KCNK9: variants seen among roughly 807,000 people sequenced by gnomAD.
KCNK9 encodes the protein potassium two pore domain channel subfamily K member 9, also known as potassium channel subfamily K member 9.
A neutral mutation model predicts 10.8 loss-of-function variants in KCNK9; 1 was observed. The ratio of observed to expected loss-of-function variants is 0.09; its 90% confidence interval spans 0.03 to 0.44. The LOEUF is 0.44. Among genes scored for constraint, KCNK9 ranks in the 20% least tolerant of loss-of-function variants. The probability of loss-of-function intolerance (pLI) is 0.97; values close to 1 mark genes in which losing one functional copy is unlikely to be tolerated. For missense variants in KCNK9, 303 were observed against 515.0 expected, an observed-to-expected ratio of 0.59 and a Z score of 3.98; for synonymous variants, 231 against 222.7, an observed-to-expected ratio of 1.04 and a Z score of -0.33.
chr8:139,628,622 TCTTGGC>T (rs1815055919), intron 1 of KCNK9, among the ~76,000 whole-genome samples: 1 of 152,208 alleles, frequency 6.6e-6, no homozygotes, highest in East Asian at 1.9e-4. Flanking sequence ...TGGCACCAAA[TCTTGGC>T]AGATTTGGTG....
chr8:139,659,157 C>G (rs1162398413), intron 1 of KCNK9, among the ~76,000 whole-genome samples: 1 of 152,254 alleles, frequency 6.6e-6, no homozygotes. Flanking sequence ...GCTCTGGGAC[C>G]TAAACACCTG....
intron 1 of KCNK9, among the ~76,000 whole-genome samples, chr8:139,625,025 A>ATT (rs1371536335): frequency 6.6e-6 from 1 of 152,104 alleles, no homozygotes; most frequent in African/African-American, 2.4e-5. Context: ...TGTGCATCAG[A>ATT]GCACAATGAG....
chr8:139,699,733 T>C (rs1817154446), intron 1 of KCNK9, among the ~76,000 whole-genome samples: 1 of 152,176 alleles, frequency 6.6e-6, no homozygotes, highest in South Asian at 2.1e-4. Flanking sequence ...GTAATATCCC[T>C]CCAAAGCCTT....
rs35075776 is a variant in KCNK9 at position 139,602,459 on chromosome 8, T to G, written c.*1-858A>C. 3.1e-3 allele frequency among the ~76,000 whole-genome samples: 465 copies of G among 152,350 alleles called. 2 individuals are homozygous for G. The highest frequency in any genetic ancestry group is 0.019 in the South Asian group (90 of 4,824). Reference sequence around the variant, plus strand: ...GGACTTAGAACGCAGCAATGCCTGTTACATTTTTTTGGAGGGTGGTGGGAG... The same window carrying G: ...GGACTTAGAACGCAGCAATGCCTGTGACATTTTTTTGGAGGGTGGTGGGAG... On this transcript the variant is annotated intron_variant, in intron 2 of 2. Transcript: ENST00000650269.
In KCNK9 at chr8:139,693,709, A is replaced by C. The variant is rs1207704426; in HGVS notation, c.283+9001T>G. On this transcript the variant is annotated intron_variant, in intron 1 of 1. Transcript: ENST00000520439. The surrounding 1 kb of genome is among the most constrained non-coding windows in gnomAD (Gnocchi z 4.1). ...AAAAGAGGAAGGCAGAGCCGGACTC[A>C]GGGCAGAAGGTGTGGGAACAGGGCC... 6.6e-6 allele frequency among the ~76,000 whole-genome samples: 1 copy of C among 152,190 alleles called. No individual in the cohort carries two copies. The highest frequency in any genetic ancestry group is 2.4e-5 in the African/African-American group (1 of 41,446).
downstream of KCNK9, among the ~76,000 whole-genome samples, chr8:139,608,740 A>C (rs888869492): frequency 6.6e-6 from 1 of 152,168 alleles, no homozygotes; most frequent in South Asian, 2.1e-4. Context: ...CAGAGACCCC[A>C]TTACTGCTGG....
chr8:139,655,382 G>A (rs947031211), intron 1 of KCNK9, among the ~76,000 whole-genome samples: 23 of 152,052 alleles, frequency 1.5e-4, no homozygotes, highest in African/African-American at 4.6e-4. Context: ...AGCCTTTCTC[G>A]CCACCCAGAC....
intron 1 of KCNK9, among the ~76,000 whole-genome samples, chr8:139,647,790 G>C (rs1365550783): frequency 6.6e-6 from 1 of 152,154 alleles, no homozygotes; most frequent in Non-Finnish European, 1.5e-5. Flanking sequence ...CACCTTAAAA[G>C]GTCTCAGGTC....
chr8:139,616,943 C>T (rs1190298559), downstream of KCNK9: 1 of 152,168 alleles, frequency 6.6e-6, no homozygotes. Flanking sequence ...GCAGGTCTTC[C>T]CTTTGGGGTC....
chr8:139,609,375 C>T (rs901602842), downstream of KCNK9, among the ~76,000 whole-genome samples: 2 of 152,140 alleles, frequency 1.3e-5, no homozygotes, highest in East Asian at 1.9e-4. Flanking sequence ...TGACCTGAGG[C>T]AAGGCCCTTT....
chr8:139,684,012 A>G (rs1287168352), intron 1 of KCNK9, among the ~76,000 whole-genome samples: 1 of 152,172 alleles, frequency 6.6e-6, no homozygotes, highest in Non-Finnish European at 1.5e-5. Flanking sequence ...GATGTGATAA[A>G]CCCAAGTACA....
intron 1 of KCNK9, among the ~76,000 whole-genome samples, chr8:139,629,256 T>C (rs1394143774): frequency 6.6e-6 from 1 of 152,192 alleles, no homozygotes; most frequent in East Asian, 1.9e-4. Context: ...GGGGCCGAGA[T>C]GCATGCGGGG....
intron 1 of KCNK9, among the ~76,000 whole-genome samples, chr8:139,654,183 T>G (rs1256318990): frequency 6.6e-6 from 1 of 152,244 alleles, no homozygotes; most frequent in Non-Finnish European, 1.5e-5. Flanking sequence ...TAGCTGAAGT[T>G]TGTCTGAATT....
chr8:139,623,143 G>C (rs191559780), intron 1 of KCNK9, among the ~76,000 whole-genome samples: 1 of 152,266 alleles, frequency 6.6e-6, no homozygotes, highest in Non-Finnish European at 1.5e-5. Context: ...AAAGAACATA[G>C]AAAATGCATG....
chr8:139,683,304 A>C (rs2319423), intron 1 of KCNK9, among the ~76,000 whole-genome samples: 1 of 152,068 alleles, frequency 6.6e-6, no homozygotes, highest in Non-Finnish European at 1.5e-5. Flanking sequence ...CACCCGCCCC[A>C]CCCCTGCTGG....
At chr8:139,604,953 G>C (rs150382101) in intron 2 of KCNK9, among the ~76,000 whole-genome samples, 1 of 152,306 alleles carries the variant, frequency 6.6e-6, no homozygotes, top group African/African-American at 2.4e-5. Flanking sequence ...AGCATCACCT[G>C]AGTGCCCTTT....
chr8:139,620,220 T>C (rs1341863210), intron 1 of KCNK9, among the ~76,000 whole-genome samples: 1 of 147,272 alleles, frequency 6.8e-6, no homozygotes, highest in African/African-American at 2.6e-5. Flanking sequence ...AAAACCTGGA[T>C]CATGGACAGT....
At chr8:139,619,981 G>A (rs1331965185) in intron 1 of KCNK9, among the ~76,000 whole-genome samples, 2 of 152,240 alleles carry the variant, frequency 1.3e-5, no homozygotes, top group Non-Finnish European at 2.9e-5. Context: ...AAGCACTTTT[G>A]AAATTCTTGA....
rs1814651418 is a variant in KCNK9 at position 139,617,968 on chromosome 8, G to C, written c.*290C>G. 1 of 424,668 alleles carries C rather than the reference G, an allele frequency of 2.4e-6. No homozygotes were observed. The highest frequency in any genetic ancestry group is 3.6e-5 in the Admixed American group (1 of 27,714). 26.3% of individuals were successfully genotyped at this position (424,668 alleles called of 1,614,324 possible). A position where few individuals can be genotyped will look rare whatever the true frequency, so the allele number is the denominator to read the frequency against. Reference sequence around the variant, plus strand: ...AACCACTGCAGAGATGATGGGGTGGGTGGGGTGAGAAATGTAAGGCATAGT... The same window carrying C: ...AACCACTGCAGAGATGATGGGGTGGCTGGGGTGAGAAATGTAAGGCATAGT... On this transcript the variant is annotated 3_prime_UTR_variant, in exon 2 of 2. Transcript: ENST00000520439.
Sources: allele counts gnomAD v4.1 joint callset (sites outside exome capture counted in the v4.1 genomes callset), GRCh38; gene constraint gnomAD v4.1.1; non-coding constraint Gnocchi (gnomAD v3.1); transcripts MANE v1.5; gene names NCBI Gene and HGNC (gene_info 2026-07-23, HGNC 2026-07-21).